The following CDON variants were observed in gnomAD, a reference collection of about 807,000 sequenced individuals.
CDON encodes cell adhesion molecule-related/down-regulated by oncogenes.
A neutral mutation model predicts 120.9 loss-of-function variants in CDON; 73 were observed. The ratio of observed to expected loss-of-function variants is 0.60; its 90% CI spans 0.50 to 0.73. The LOEUF is 0.73. CDON is among the 30% of genes least tolerant of loss of function. The pLI, the probability that CDON is intolerant of heterozygous loss-of-function variation, is 0.00. For missense variants in CDON, 1,470 were observed against 1,587.3 expected (o/e 0.93, Z 1.26); for synonymous variants, 566 against 573.5 (o/e 0.99, Z 0.19).
At chr11:125,964,945 GAGA>G (rs1400509597) in intron 18 of CDON, among the ~76,000 whole-genome samples, 3 of 152,244 alleles carry the variant, frequency 2.0e-5, no homozygotes, top group Middle Eastern at 3.4e-3. Context: ...GTTTGTTTTT[GAGA>G]AGGAGTCTCG....
intron 1 of CDON, among the ~76,000 whole-genome samples, chr11:126,056,633 C>G (rs1446201077): frequency 6.6e-6 from 1 of 152,106 alleles, no homozygotes; most frequent in Non-Finnish European, 1.5e-5. Flanking sequence ...AAACAAAAAC[C>G]CTTCTGATTT....
At chr11:126,027,585 G>A (rs1354113532) in intron 1 of CDON, among the ~76,000 whole-genome samples, 2 of 152,082 alleles carry the variant, frequency 1.3e-5, no homozygotes, top group Non-Finnish European at 2.9e-5. Flanking sequence ...AATTTTGTTT[G>A]ACAAAGTTTA....
In CDON at chr11:125,958,189, CAA is replaced by C. The variant is rs1490538039; in HGVS notation, c.*2751_*2752del. The C allele has an allele frequency of 6.6e-6, 1 of 152,146 alleles. No homozygotes were observed. Among genetic ancestry groups the C allele is most frequent in the African/African-American group, 2.4e-5 (1 of 41,430 alleles). The allele number at this position is 152,146 out of a possible 1,614,324, so 9.4% of individuals were successfully genotyped here. A position where few individuals can be genotyped will look rare whatever the true frequency, so the allele number is the denominator to read the frequency against. On this transcript the variant is annotated 3_prime_UTR_variant, in exon 20 of 20. Transcript: ENST00000531738. Reference sequence around the variant, plus strand: ...CATACGGAACGGGACTGGTTCCATCCAAAGAGTGAACCACAATGCTTTTGGAA... The same window carrying C: ...CATACGGAACGGGACTGGTTCCATCCAGAGTGAACCACAATGCTTTTGGAA...
rs1382278950 is a variant in CDON, at chr11:126,023,450, A to C, written c.27T>G (p.Cys9Trp). Residue 9 changes from cysteine to tryptophan, a missense_variant, in exon 2 of 20, where the codon TGT becomes TGG. Cys to Trp is a radical substitution (Grantham distance 215, BLOSUM62 -2). Transcript: ENST00000531738. The stretch of plus-strand genomic sequence containing the variant: ...TTGTAAGAGTAACATACAGCAGTGT[A>C]CATAAGGGTCCAAGATCCGGATGCA... MHPDLGPL[C>W]TLLYVTLTIL... The C allele has an allele frequency of 6.2e-7, 1 of 1,613,544 alleles. No individual in the cohort carries two copies.
At chr11:126,037,525 T>C (rs1452716219) in intron 1 of CDON, among the ~76,000 whole-genome samples, 1 of 152,136 alleles carries the variant, frequency 6.6e-6, no homozygotes, top group Non-Finnish European at 1.5e-5. Flanking sequence ...TCAAAGTAGT[T>C]AGGGAACAAA....
chr11:125,977,047 C>G (rs1034573998), intron 18 of CDON, among the ~76,000 whole-genome samples: 1 of 152,204 alleles, frequency 6.6e-6, no homozygotes, highest in Non-Finnish European at 1.5e-5. Flanking sequence ...CTAAATCCGT[C>G]TGATTACTCG....
At chr11:125,996,501 C>A (rs1433070736) in intron 12 of CDON, among the ~76,000 whole-genome samples, 1 of 151,206 alleles carries the variant, frequency 6.6e-6, no homozygotes, top group Non-Finnish European at 1.5e-5. Flanking sequence ...GAGTTTGAGA[C>A]CAGCCTGACT....
chr11:126,014,514 C>T (rs944017864), intron 7 of CDON, among the ~76,000 whole-genome samples: 7 of 152,112 alleles, frequency 4.6e-5, no homozygotes, highest in African/African-American at 1.7e-4. Flanking sequence ...TAATCTCTAC[C>T]AAAATTACCA....
chr11:126,001,805 A>G lies in CDON; in HGVS notation c.2072T>C (p.Val691Ala), dbSNP rs1358889341. The G allele has an allele frequency of 1.2e-6, 2 of 1,611,276 alleles. No individual in the cohort carries two copies. The part of the protein sequence containing the change: ...SKNTQASSPP[V>A]GIPKYPVVSE... ...AACAACGGGATACTTAGGGATGCCCACGGGTGGAGAGGATGCCTGGGTGTT... is the reference window on the plus strand; with the variant it reads ...AACAACGGGATACTTAGGGATGCCCGCGGGTGGAGAGGATGCCTGGGTGTT... The change falls in exon 11 of 20, where the codon GTG becomes GCG. Residue 691 changes from valine to alanine, a missense_variant. By Grantham distance (64) the Val-to-Ala change is moderately conservative. Transcript: ENST00000531738.
chr11:126,049,987 C>T (rs916992497), intron 1 of CDON, among the ~76,000 whole-genome samples: 1 of 152,094 alleles, frequency 6.6e-6, no homozygotes, highest in East Asian at 1.9e-4. Context: ...TTCTAAGCAT[C>T]CAAGTATTCT....
chr11:125,981,185 G>T lies in CDON; in HGVS notation c.3140C>A (p.Ser1047Tyr). Reference sequence around the variant, plus strand: ...ATTGGGGACCTTATGGTGAAGGTGGGAATAGCCACTGCTGAGACCGCCATT... The same window carrying T: ...ATTGGGGACCTTATGGTGAAGGTGGTAATAGCCACTGCTGAGACCGCCATT... ...LTNGGLSSGY[S>Y]HLHHKVPNAV... is the part of the protein sequence containing the mutation. Residue 1047 changes from serine to tyrosine, a missense_variant, in exon 17 of 20, where the codon TCC (serine) becomes TAC (tyrosine). Ser to Tyr is a moderately radical substitution (Grantham distance 144). Coordinates refer to ENST00000531738, the MANE Select transcript of CDON (RefSeq NM_001378964.1). The T allele has an allele frequency of 6.2e-7, 1 of 1,614,142 alleles. No homozygotes were observed. The highest frequency in any genetic ancestry group is 8.5e-7 in the Non-Finnish European group (1 of 1,180,020).
At chr11:126,041,142 A>G (rs1948251551) in intron 1 of CDON, among the ~76,000 whole-genome samples, 1 of 149,582 alleles carries the variant, frequency 6.7e-6, no homozygotes, top group East Asian at 2.0e-4. Context: ...CAGTGTGCCG[A>G]GATCGTGCCA....
intron 1 of CDON, among the ~76,000 whole-genome samples, chr11:126,041,041 T>G (rs1174996733): frequency 6.7e-6 from 1 of 149,954 alleles, no homozygotes; most frequent in Non-Finnish European, 1.5e-5. Flanking sequence ...ATACAAAAAT[T>G]AGCCAGGCGT....
chr11:125,996,600 T>C (rs1234687637), intron 12 of CDON, among the ~76,000 whole-genome samples: 1 of 143,712 alleles, frequency 7.0e-6, no homozygotes, highest in African/African-American at 2.6e-5. Context: ...CTCGGGAGGC[T>C]GAGGCAGGAG....
chr11:126,026,310 T>C (rs976179672), intron 1 of CDON, among the ~76,000 whole-genome samples: 1 of 152,238 alleles, frequency 6.6e-6, no homozygotes, highest in African/African-American at 2.4e-5. Context: ...TAGACTAGGC[T>C]ACTATGTCTG....
At chr11:125,964,029 G>A (rs1026179732) in intron 18 of CDON, among the ~76,000 whole-genome samples, 4 of 152,128 alleles carry the variant, frequency 2.6e-5, no homozygotes, top group South Asian at 4.1e-4. Context: ...GGATGCTGGC[G>A]AAGGTGAGCA....
At position 125,960,986 on chromosome 11, in the gene CDON, A is replaced by C; in HGVS notation, c.3751T>G (p.Leu1251Val). Residue 1251 changes from leucine (L) to valine (V), a missense_variant, in exon 20 of 20, where the codon TTA becomes GTA. Physicochemically the swap from Leu to Val is conservative, Grantham distance 32. Coordinates refer to ENST00000531738, the MANE Select transcript of CDON (RefSeq NM_001378964.1). ...TGAAGGACCTCTGTCGGGCTGTCTAAAGGAATGCCAGGTGGAGACCACATT... is the reference window on the plus strand; with the variant it reads ...TGAAGGACCTCTGTCGGGCTGTCTACAGGAATGCCAGGTGGAGACCACATT... Reference protein sequence around the residue: ...KTMWSPPGIPLDSPTEVLQQP... With the variant: ...KTMWSPPGIPVDSPTEVLQQP... 6.2e-7 allele frequency: 1 copy of C among 1,614,208 alleles called. No individual in the cohort carries two copies. Among genetic ancestry groups the C allele is most frequent in the East Asian group, 2.2e-5 (1 of 44,882 alleles).
At chr11:125,962,098 ACT>A (rs949268809) in intron 18 of CDON, 100 bp from the exon 19 acceptor site, 1 of 913,490 alleles carries the variant, frequency 1.1e-6, no homozygotes, top group African/African-American at 1.6e-5. Flanking sequence ...GTATTCACAG[ACT>A]CTTAAGAAAG....
chr11:126,028,141 C>T (rs1030027090), intron 1 of CDON, among the ~76,000 whole-genome samples: 6 of 151,308 alleles, frequency 4.0e-5, no homozygotes, highest in African/African-American at 7.3e-5. Context: ...AATACTCATC[C>T]GAAAAAAGTA....
Sources: allele counts gnomAD v4.1 joint callset (sites outside exome capture counted in the v4.1 genomes callset), GRCh38; gene constraint gnomAD v4.1.1; transcripts MANE v1.5; gene names NCBI Gene and HGNC (gene_info 2026-07-23, HGNC 2026-07-21).